UPP2: variants seen among roughly 807,000 people sequenced by gnomAD.
UPP2 encodes the protein uridine phosphorylase 2.
Under a neutral mutation model 26.7 loss-of-function variants are expected in UPP2, and 23 were observed. The ratio of observed to expected loss-of-function variants is 0.86; its 90% CI spans 0.62 to 1.22. The LOEUF is 1.22. UPP2 is among the 50% of genes most tolerant of loss of function. The pLI is 0.00. For synonymous variants in UPP2, 127 were observed against 141.3 expected (o/e 0.90, Z 0.72); for missense variants, 387 against 396.7 (o/e 0.98, Z 0.21).
At chr2:158,010,343 TAA>T (rs1683556115) in intron 2 of UPP2, among the ~76,000 whole-genome samples, 1 of 152,254 alleles carries the variant, frequency 6.6e-6, no homozygotes, top group Admixed American at 6.5e-5. Flanking sequence ...TATATGTTCT[TAA>T]AATATTTTCC....
chr2:158,080,562 T>C (rs1387970015), intron 3 of UPP2, among the ~76,000 whole-genome samples: 2 of 152,214 alleles, frequency 1.3e-5, no homozygotes, highest in East Asian at 3.8e-4. Flanking sequence ...CAATGCATCA[T>C]TTGGTATATT....
intron 3 of UPP2, among the ~76,000 whole-genome samples, chr2:158,070,100 G>T (rs1387335468): frequency 6.6e-6 from 1 of 152,094 alleles, no homozygotes; most frequent in South Asian, 2.1e-4. Context: ...GTGGCTCCTT[G>T]TATCTGCTAT....
At position 158,023,806 on chromosome 2, in the gene UPP2, C is replaced by T. The variant is rs545383389; in HGVS notation, c.147+7920C>T. On this transcript the variant is annotated intron_variant, in intron 3 of 9. Coordinates refer to the UPP2 transcript ENST00000605860. The stretch of plus-strand genomic sequence containing the variant: ...TGGCTTCTTGTTTAGAGGGTTCGAC[C>T]GAAGTTGCCAGGTCACTGTGGTGGA... Among the ~76,000 whole-genome samples the T allele has an allele frequency of 6.6e-5, 10 of 152,280 alleles. 1 individual carries two copies. In the East Asian group the frequency reaches 1.5e-3, roughly 24 times the overall value.
intron 3 of UPP2, among the ~76,000 whole-genome samples, chr2:158,088,030 G>A (rs538015911): frequency 5.3e-5 from 8 of 152,206 alleles, no homozygotes; most frequent in South Asian, 2.1e-4. Context: ...AGTCTAGATC[G>A]CTTACAAGGC....
chr2:158,035,314 G>A (rs1365202510), intron 3 of UPP2, among the ~76,000 whole-genome samples: 5 of 151,866 alleles, frequency 3.3e-5, no homozygotes, highest in African/African-American at 4.8e-5. Context: ...GCACCACCAC[G>A]CCCAGCTAAT....
chr2:158,032,429 G>C (rs1236744930), intron 3 of UPP2, among the ~76,000 whole-genome samples: 1 of 152,120 alleles, frequency 6.6e-6, no homozygotes, highest in Non-Finnish European at 1.5e-5. Context: ...CCTCTGAGGG[G>C]CCTGTGGTCT....
rs559267387 is a variant in UPP2 at position 158,054,063 on chromosome 2, G to C, written c.147+38177G>C. On this transcript the variant is annotated intron_variant, in intron 3 of 9. Coordinates refer to the UPP2 transcript ENST00000605860. ...AGGTGGGTGGATTACCTGAGGTCAG[G>C]AGTTCAAGACCAGCCTGCCCAACAT... 7.2e-5 allele frequency among the ~76,000 whole-genome samples: 11 copies of C among 152,272 alleles called. No homozygotes were observed. The East Asian group carries it at 1.7e-3, about 24-fold the overall frequency.
intron 3 of UPP2, among the ~76,000 whole-genome samples, chr2:158,090,135 T>TA (rs774184338): frequency 1.1e-4 from 16 of 152,286 alleles, no homozygotes; most frequent in Non-Finnish European, 2.1e-4. Context: ...CTAACACAAA[T>TA]AAATAAATTC....
chr2:158,079,499 T>C (rs1682686335), intron 3 of UPP2, among the ~76,000 whole-genome samples: 1 of 152,090 alleles, frequency 6.6e-6, no homozygotes, highest in African/African-American at 2.4e-5. Context: ...TGGAAATATC[T>C]ACGTTACAGG....
Position 158,077,825 on chromosome 2 carries a change from A to C in UPP2, c.148-24215A>C, listed in dbSNP as rs1682654859. 3.3e-5 allele frequency among the ~76,000 whole-genome samples: 5 copies of C among 152,108 alleles called. No individual in the cohort carries two copies. The South Asian group carries it at 1.0e-3, about 31-fold the overall frequency. On this transcript the variant is annotated intron_variant, in intron 3 of 9. Coordinates refer to the UPP2 transcript ENST00000605860. ...CTGCACAACAAAGGAAACAATCAAC[A>C]AAGTGCATGAGACAACCCACAGAAT...
rs185426622 is a variant in UPP2 at position 158,037,080 on chromosome 2, T to C, written c.147+21194T>C. Among the ~76,000 whole-genome samples, 359 of 152,222 alleles carry C rather than the reference T, an allele frequency of 2.4e-3. 1 individual carries two copies. The highest frequency in any genetic ancestry group is 7.7e-3 in the African/African-American group (318 of 41,540). ...TCTGACTTGACATAAAGGATAGAAA[T>C]GTAACAATCCTTGGCTGGGTGTGGT... On this transcript the variant is annotated intron_variant, in intron 3 of 9. Transcript: ENST00000605860.
chr2:158,034,428 G>A lies in UPP2; in HGVS notation c.147+18542G>A, dbSNP rs146421034. Among the ~76,000 whole-genome samples, 400 of 152,278 alleles carry A rather than the reference G, an allele frequency of 2.6e-3. 4 individuals are homozygous for A. The highest frequency in any genetic ancestry group is 8.9e-3 in the African/African-American group (372 of 41,568). On this transcript the variant is annotated intron_variant, in intron 3 of 9. Coordinates refer to the UPP2 transcript ENST00000605860. ...GATGCTTTTCAGAGAGAAGGAAACC[G>A]TCCAGCAGGTGTCAGTAAGTTCTAA...
At chr2:158,052,302 C>A (rs951421679) in intron 3 of UPP2, among the ~76,000 whole-genome samples, 1 of 152,100 alleles carries the variant, frequency 6.6e-6, no homozygotes, top group Non-Finnish European at 1.5e-5. Context: ...TCCTAAGGAA[C>A]AAAAGATGTA....
chr2:158,023,065 C>T (rs904470773), intron 3 of UPP2, among the ~76,000 whole-genome samples: 1 of 122,886 alleles, frequency 8.1e-6, no homozygotes. Flanking sequence ...CAGCACCCAA[C>T]AAGATGAATG....
chr2:158,036,932 A>G (rs1397515784), intron 3 of UPP2, among the ~76,000 whole-genome samples: 2 of 152,184 alleles, frequency 1.3e-5, no homozygotes, highest in African/African-American at 4.8e-5. Flanking sequence ...AGAAAGTGAC[A>G]CATCTCCAAC....
At chr2:158,029,138 G>A (rs1267956469) in intron 3 of UPP2, among the ~76,000 whole-genome samples, 2 of 152,122 alleles carry the variant, frequency 1.3e-5, no homozygotes, top group African/African-American at 4.8e-5. Flanking sequence ...AGTCTGAATG[G>A]TTCAATGGTA....
intron 3 of UPP2, among the ~76,000 whole-genome samples, chr2:158,085,100 T>C (rs1486283272): frequency 6.6e-6 from 1 of 152,088 alleles, no homozygotes; most frequent in Non-Finnish European, 1.5e-5. Flanking sequence ...TATTTTTACA[T>C]TATTGATTCT....
At chr2:158,116,859 A>G (rs148919617) in intron 3 of UPP2, among the ~76,000 whole-genome samples, 1 of 152,138 alleles carries the variant, frequency 6.6e-6, no homozygotes, top group East Asian at 1.9e-4. Flanking sequence ...CAGGATGCTT[A>G]CTAAACATTT....
chr2:158,106,086 T>C lies in UPP2; in HGVS notation c.63-13T>C, dbSNP rs773812045. 2 of 1,501,804 alleles carry C rather than the reference T, an allele frequency of 1.3e-6. No individual in the cohort carries two copies. Among genetic ancestry groups the C allele is most frequent in the Non-Finnish European group, 1.8e-6 (2 of 1,109,560 alleles). The allele number at this position is 1,501,804 out of a possible 1,614,324, so 93.0% of individuals were successfully genotyped here. A position where few individuals can be genotyped will look rare whatever the true frequency, so the allele number is the denominator to read the frequency against. ...ATTCTTTTATATCTTCTTTGTATAA[T>C]TTTTTTTTCCAGAAAAAGGTTTGTT... On this transcript the variant is annotated splice_polypyrimidine_tract_variant and intron_variant, in intron 1 of 6. Transcript: ENST00000005756.
Sources: allele counts gnomAD v4.1 joint callset (sites outside exome capture counted in the v4.1 genomes callset), GRCh38; gene constraint gnomAD v4.1.1; transcripts MANE v1.5; gene names NCBI Gene and HGNC (gene_info 2026-07-23, HGNC 2026-07-21).